Variants in CFAP47 observed in about 807,000 individuals in gnomAD.
The protein encoded by CFAP47 is cilia and flagella associated protein 47, also known as cilia- and flagella-associated protein 47.
CFAP47 carries 29 observed loss-of-function variants against 148.1 expected under a neutral mutation model. The ratio of observed to expected loss-of-function variants is 0.20; its 90% CI spans 0.15 to 0.27. The LOEUF is 0.27. Among genes scored for constraint, CFAP47 ranks in the 10% least tolerant of loss-of-function variants. The pLI is 1.00. For missense variants in CFAP47, 1,872 were observed against 1,697.5 expected, an observed-to-expected ratio of 1.10 and a Z score of -1.81; for synonymous variants, 664 against 577.3, an observed-to-expected ratio of 1.15 and a Z score of -2.15.
chrX:36,372,393 A>C (rs937201846), intron 62 of CFAP47, among the ~76,000 whole-genome samples: 9 of 111,913 alleles, frequency 8.0e-5, no homozygotes, highest in African/African-American at 2.9e-4. Context: ...GCATATATGC[A>C]TATATTCATT....
intron 50 of CFAP47, among the ~76,000 whole-genome samples, chrX:36,284,907 CAG>C (rs1377308222): frequency 1.8e-5 from 2 of 111,099 alleles, no homozygotes; most frequent in Admixed American, 1.9e-4. Flanking sequence ...GGAAGCTGAA[CAG>C]AGAGGAAAAA....
intron 26 of CFAP47, among the ~76,000 whole-genome samples, chrX:36,058,720 A>G (rs1161475807): frequency 1.8e-5 from 2 of 111,521 alleles, no homozygotes; most frequent in African/African-American, 6.5e-5. Context: ...TAATTGATTT[A>G]TTTTGCCCTT....
rs1018037013 is a variant in CFAP47, at chrX:36,385,215, C to T, written c.*209C>T. 1.1e-5 allele frequency: 4 copies of T among 357,617 alleles called. No individual in the cohort carries two copies. The highest frequency in any genetic ancestry group is 1.0e-4 in the African/African-American group (4 of 38,236). The allele number at this position is 357,617 out of a possible 1,213,427, so 29.5% of individuals were successfully genotyped here. ...GGTTGCGAACATTGGAATTGGTTCA[C>T]TTTTAAAGTGCAGGTGTATATTTGT... On this transcript the variant is annotated 3_prime_UTR_variant, in exon 64 of 64. Coordinates refer to ENST00000378653, the MANE Select transcript of CFAP47 (RefSeq NM_001304548.2).
chrX:35,935,397 T>A (rs1935895484), intron 2 of CFAP47, among the ~76,000 whole-genome samples: 1 of 111,135 alleles, frequency 9.0e-6, no homozygotes, highest in African/African-American at 3.3e-5. Flanking sequence ...TCTTCCTCCC[T>A]CAAATGCACA....
intron 26 of CFAP47, among the ~76,000 whole-genome samples, chrX:36,054,832 G>A (rs1279543586): frequency 9.1e-5 from 10 of 110,346 alleles, no homozygotes; most frequent in Non-Finnish European, 7.6e-5. Context: ...GAGTGCAGTC[G>A]TGTGATCTTG....
chrX:36,314,096 A>G (rs781975364), intron 56 of CFAP47, among the ~76,000 whole-genome samples: 69 of 111,760 alleles, frequency 6.2e-4, no homozygotes, highest in Non-Finnish European at 1.2e-3. Flanking sequence ...TATTTCTGGG[A>G]GAAGTAATAA....
At chrX:35,940,840 C>G (rs1024474918) in intron 2 of CFAP47, among the ~76,000 whole-genome samples, 4 of 111,522 alleles carry the variant, frequency 3.6e-5, no homozygotes, top group Admixed American at 9.6e-5. Context: ...TGGATTTTTA[C>G]AAACTTGTAG....
intron 39 of CFAP47, among the ~76,000 whole-genome samples, chrX:36,165,995 A>G (rs1477901183): frequency 1.8e-5 from 2 of 111,273 alleles, no homozygotes; most frequent in Non-Finnish European, 3.8e-5. Context: ...CAACATATGA[A>G]GTTGGAGGGG....
At chrX:36,036,599 C>T (rs1053282951) in intron 24 of CFAP47, among the ~76,000 whole-genome samples, 1 of 111,663 alleles carries the variant, frequency 9.0e-6, no homozygotes, top group Admixed American at 9.5e-5. Flanking sequence ...GAGGAACGTT[C>T]TCAGAATTCT....
At position 36,279,511 on chromosome X, in the gene CFAP47, A is replaced by T. The variant is rs147939796; in HGVS notation, c.7445-976A>T. On this transcript the variant is annotated intron_variant, in intron 49 of 63. Transcript: ENST00000378653. ...GCTGTAAACTATTTGATTTTGATGC[A>T]TGGCTAGAAACATACAGTTTTGTGT... Among the ~76,000 whole-genome samples, 655 of 111,795 alleles carry T rather than the reference A, an allele frequency of 5.9e-3. 8 individuals carry two copies. The highest frequency in any genetic ancestry group is 0.02 in the African/African-American group (605 of 30,781).
chrX:35,987,024 C>T (rs900303361), intron 15 of CFAP47, among the ~76,000 whole-genome samples: 3 of 111,416 alleles, frequency 2.7e-5, no homozygotes, highest in Admixed American at 9.5e-5. Context: ...TAAGCCCTCC[C>T]GCATGAGGTG....
At chrX:36,197,765 A>G (rs1939935258) in intron 42 of CFAP47, among the ~76,000 whole-genome samples, 1 of 111,794 alleles carries the variant, frequency 8.9e-6, no homozygotes, top group Non-Finnish European at 1.9e-5. Context: ...AATAATATAA[A>G]ACGTTCAAAG....
At chrX:36,159,286 T>G (rs1336956156) in intron 37 of CFAP47, 140 bp from the exon 38 acceptor site, 2 of 284,914 alleles carry the variant, frequency 7.0e-6, no homozygotes, top group African/African-American at 5.5e-5. Flanking sequence ...ATAACTAGAT[T>G]GTAGGCTTCT....
chrX:36,112,359 A>G (rs1172175856), intron 33 of CFAP47, among the ~76,000 whole-genome samples: 1 of 111,529 alleles, frequency 9.0e-6, no homozygotes, highest in Admixed American at 9.6e-5. Context: ...TTCATTATTC[A>G]CCCAAAAGTT....
intron 61 of CFAP47, among the ~76,000 whole-genome samples, chrX:36,366,065 A>G (rs1410070650): frequency 9.0e-6 from 1 of 111,333 alleles, no homozygotes; most frequent in Non-Finnish European, 1.9e-5. Flanking sequence ...AAATTGCCAC[A>G]CTGCTTTACA....
At chrX:36,207,850 C>T (rs1940055666) in intron 45 of CFAP47, among the ~76,000 whole-genome samples, 1 of 111,459 alleles carries the variant, frequency 9.0e-6, no homozygotes, top group Non-Finnish European at 1.9e-5. Context: ...GCTATGTTTC[C>T]ACTAGCAATT....
chrX:36,015,074 A>G (rs1024186997), intron 22 of CFAP47, among the ~76,000 whole-genome samples, 162 bp downstream of exon 22: 2 of 110,943 alleles, frequency 1.8e-5, no homozygotes, highest in African/African-American at 6.5e-5. Flanking sequence ...AATTGAGTCT[A>G]TGAGATTTGA....
At chrX:35,952,302 C>T (rs1182570391) in intron 6 of CFAP47, among the ~76,000 whole-genome samples, 2 of 111,568 alleles carry the variant, frequency 1.8e-5, no homozygotes, top group Non-Finnish European at 3.8e-5. Flanking sequence ...GTGCATGCAG[C>T]ATGTCGTAGG....
At chrX:36,244,645 A>T (rs1273861062) in intron 48 of CFAP47, among the ~76,000 whole-genome samples, 3 of 111,661 alleles carry the variant, frequency 2.7e-5, no homozygotes, top group Non-Finnish European at 3.8e-5. Flanking sequence ...AAATTGATAA[A>T]TTACTGGAAA....
Sources: gnomAD v4.1 joint callset for allele counts (sites outside exome capture counted in the v4.1 genomes callset) on GRCh38, gnomAD v4.1.1 for gene constraint, MANE v1.5 for transcripts, NCBI Gene and HGNC (gene_info 2026-07-23, HGNC 2026-07-21) for gene names.